The following GLCE variants were observed in gnomAD, a reference collection of about 807,000 sequenced individuals.
GLCE encodes D-glucuronyl C5-epimerase.
GLCE carries 19 observed loss-of-function variants against 47.9 expected under a neutral mutation model. The observed-to-expected ratio is 0.40, with a 90% CI of 0.28 to 0.58. GLCE has a LOEUF of 0.58. Among genes scored for constraint, GLCE ranks in the 20% least tolerant of loss-of-function variants. GLCE has a pLI of 0.48. For missense variants in GLCE, 556 were observed against 743.3 expected, an observed-to-expected ratio of 0.75 and a Z score of 2.93; for synonymous variants, 245 against 263.4, an observed-to-expected ratio of 0.93 and a Z score of 0.68.
intron 2 of GLCE, among the ~76,000 whole-genome samples, chr15:69,230,941 G>T (rs1291895501): frequency 6.6e-6 from 1 of 152,142 alleles, no homozygotes; most frequent in Non-Finnish European, 1.5e-5. Context: ...GAGGCTGTCT[G>T]TATTCCTTGG....
chr15:69,191,149 C>T (rs1189732248), intron 1 of GLCE, among the ~76,000 whole-genome samples: 2 of 152,096 alleles, frequency 1.3e-5, no homozygotes, highest in Non-Finnish European at 2.9e-5. Flanking sequence ...CTCCACTGTA[C>T]CTCATGTCTT....
At chr15:69,238,957 A>G (rs575381260) in intron 2 of GLCE, among the ~76,000 whole-genome samples, 95 of 152,336 alleles carry the variant, frequency 6.2e-4, no homozygotes, top group Non-Finnish European at 1.2e-3. Context: ...GAATTTGTGT[A>G]ATTGAGATAT....
At chr15:69,182,687 T>G (rs2140342149) in intron 1 of GLCE, among the ~76,000 whole-genome samples, 1 of 151,972 alleles carries the variant, frequency 6.6e-6, no homozygotes, top group Admixed American at 6.6e-5. Context: ...ATATTAGAGG[T>G]AGTGAGCTGG....
chr15:69,266,960 G>A (rs2053095584), intron 4 of GLCE, among the ~76,000 whole-genome samples: 1 of 152,170 alleles, frequency 6.6e-6, no homozygotes, highest in African/African-American at 2.4e-5. Flanking sequence ...TAATACATGT[G>A]AATGCGTTTT....
At chr15:69,188,864 T>G (rs1238006254) in intron 1 of GLCE, among the ~76,000 whole-genome samples, 1 of 152,212 alleles carries the variant, frequency 6.6e-6, no homozygotes, top group Admixed American at 6.5e-5. Context: ...TTTCATTGAC[T>G]CAATAAAAAA....
chr15:69,216,183 A>G (rs2052304951), intron 2 of GLCE, among the ~76,000 whole-genome samples: 1 of 152,172 alleles, frequency 6.6e-6, no homozygotes, highest in South Asian at 2.1e-4. Flanking sequence ...ATGTAAAACA[A>G]GACGAAGTGT....
Position 69,261,067 on chromosome 15 carries a change from T to C in GLCE, c.587-20T>C. 6.2e-7 allele frequency: 1 copy of C among 1,603,706 alleles called. No individual in the cohort carries two copies. The highest frequency in any genetic ancestry group is 8.5e-7 in the Non-Finnish European group (1 of 1,172,142). ...GTAATGTCTGGATATGATTATTCAT[T>C]TTGTTTCTCTATTTTATAGGTGTGC... On this transcript the variant is annotated intron_variant, in intron 3 of 4. Coordinates refer to ENST00000261858, the MANE Select transcript of GLCE (RefSeq NM_015554.3).
At chr15:69,254,338 A>G (rs142014513) in intron 2 of GLCE, among the ~76,000 whole-genome samples, 5 of 152,316 alleles carry the variant, frequency 3.3e-5, no homozygotes, top group Non-Finnish European at 7.4e-5. Flanking sequence ...CAACAGGCTC[A>G]TACACCATAT....
At chr15:69,235,878 A>G (rs1279684850) in intron 2 of GLCE, among the ~76,000 whole-genome samples, 2 of 152,206 alleles carry the variant, frequency 1.3e-5, no homozygotes, top group Non-Finnish European at 2.9e-5. Flanking sequence ...TCATTTAACT[A>G]CCAGCACAAC....
intron 2 of GLCE, among the ~76,000 whole-genome samples, chr15:69,245,259 G>A (rs567187028): frequency 2.1e-3 from 321 of 150,262 alleles, no homozygotes; most frequent in Non-Finnish European, 3.8e-3. Context: ...CTTGAACCCC[G>A]GAGTTAGAGG....
At chr15:69,200,002 T>C (rs1312140002) in intron 1 of GLCE, among the ~76,000 whole-genome samples, 3 of 152,144 alleles carry the variant, frequency 2.0e-5, no homozygotes, top group Non-Finnish European at 2.9e-5. Flanking sequence ...TAAGACAATT[T>C]TTTACATTGA....
At chr15:69,165,731 T>G (rs1277315502) in intron 1 of GLCE, among the ~76,000 whole-genome samples, 2 of 152,180 alleles carry the variant, frequency 1.3e-5, no homozygotes, top group Admixed American at 1.3e-4. Flanking sequence ...TCTTATTACT[T>G]TTTGACTTCC....
chr15:69,166,674 C>T (rs888634483), intron 1 of GLCE, among the ~76,000 whole-genome samples: 1 of 152,140 alleles, frequency 6.6e-6, no homozygotes, highest in African/African-American at 2.4e-5. Flanking sequence ...AATCCCAGCA[C>T]TTTGGGAGGC....
intron 2 of GLCE, among the ~76,000 whole-genome samples, chr15:69,240,231 C>CTAGATAT (rs1566965603): frequency 3.3e-5 from 5 of 149,740 alleles, no homozygotes; most frequent in South Asian, 2.1e-4. Context: ...TATCAAACCG[C>CTAGATAT]CGAGATCCCG....
chr15:69,247,210 T>G (rs888079341), intron 2 of GLCE, among the ~76,000 whole-genome samples: 1 of 152,220 alleles, frequency 6.6e-6, no homozygotes, highest in South Asian at 2.1e-4. Context: ...AAAATCTGTT[T>G]AGTGTGGCTG....
chr15:69,238,459 A>G (rs2052621353), intron 2 of GLCE, among the ~76,000 whole-genome samples: 4 of 152,346 alleles, frequency 2.6e-5, no homozygotes, highest in Admixed American at 2.6e-4. Context: ...TTTGATTTCA[A>G]TAACCGAAAG....
intron 4 of GLCE, among the ~76,000 whole-genome samples, chr15:69,263,781 C>T (rs1290302461): frequency 6.6e-6 from 1 of 152,092 alleles, no homozygotes; most frequent in African/African-American, 2.4e-5. Context: ...AGTAGGGCCT[C>T]TTCTCATGCT....
At chr15:69,220,235 G>T (rs1482492036) in intron 2 of GLCE, among the ~76,000 whole-genome samples, 1 of 152,140 alleles carries the variant, frequency 6.6e-6, no homozygotes, top group Non-Finnish European at 1.5e-5. Context: ...GATATACTGA[G>T]AAGTGGAATT....
At chr15:69,248,870 G>A (rs985601840) in intron 2 of GLCE, among the ~76,000 whole-genome samples, 17 of 152,166 alleles carry the variant, frequency 1.1e-4, no homozygotes, top group African/African-American at 4.1e-4. Flanking sequence ...CTCCCAAAGT[G>A]CTGGGATTAC....
Sources: allele counts gnomAD v4.1 joint callset (sites outside exome capture counted in the v4.1 genomes callset), GRCh38; gene constraint gnomAD v4.1.1; transcripts MANE v1.5; gene names NCBI Gene and HGNC (gene_info 2026-07-23, HGNC 2026-07-21).